The following NUBPL variants were observed in gnomAD, a reference collection of about 807,000 sequenced individuals.
The protein encoded by NUBPL is NUBP iron-sulfur cluster assembly factor, mitochondrial, also known as iron-sulfur cluster transfer protein NUBPL.
NUBPL carries 31 observed loss-of-function variants against 45.7 expected under a neutral mutation model. That is an observed-to-expected ratio of 0.68 (90% CI 0.51 to 0.92). The LOEUF is 0.92. NUBPL is among the 40% of genes least tolerant of loss of function. NUBPL has a pLI of 0.00. For missense variants in NUBPL, 401 were observed against 398.7 expected, an observed-to-expected ratio of 1.01 and a Z score of -0.05; for synonymous variants, 144 against 140.9, an observed-to-expected ratio of 1.02 and a Z score of -0.15.
intron 7 of NUBPL, among the ~76,000 whole-genome samples, chr14:31,798,985 C>G (rs1213747136): frequency 6.6e-6 from 1 of 151,716 alleles, no homozygotes; most frequent in Non-Finnish European, 1.5e-5. Flanking sequence ...CTAGAAACTA[C>G]AGGAACACTA....
chr14:31,841,922 T>TTTTTG (rs2040378385), intron 8 of NUBPL, among the ~76,000 whole-genome samples: 1 of 43,250 alleles, frequency 2.3e-5, no homozygotes, highest in African/African-American at 7.4e-5. Flanking sequence ...CTGGGCTTTT[T>TTTTTG]TTTTTTTTTT....
chr14:31,801,000 A>G (rs1389346233), intron 7 of NUBPL: 1 of 152,216 alleles, frequency 6.6e-6, no homozygotes, highest in Non-Finnish European at 1.5e-5. Flanking sequence ...AGATGGTGAC[A>G]TACCTAGGGA....
chr14:31,578,542 A>G (rs1289109888), intron 3 of NUBPL, among the ~76,000 whole-genome samples: 1 of 152,220 alleles, frequency 6.6e-6, no homozygotes, highest in African/African-American at 2.4e-5. Flanking sequence ...GAAAGGGAAA[A>G]CACTTTTAAA....
At position 31,719,357 on chromosome 14, in the gene NUBPL, A is replaced by G. The variant is rs543628635; in HGVS notation, c.513+45783A>G. 1.5e-4 allele frequency among the ~76,000 whole-genome samples: 23 copies of G among 152,324 alleles called. No homozygotes were observed. The South Asian group carries it at 4.8e-3, about 32-fold the overall frequency. ...CCATTGTATGTGTGGGACAATCTGT[A>G]TAGGTTTATACTGAACTCTCACTTA... On this transcript the variant is annotated intron_variant, in intron 6 of 10. Coordinates refer to ENST00000281081, the MANE Select transcript of NUBPL (RefSeq NM_025152.3).
intron 4 of NUBPL, among the ~76,000 whole-genome samples, chr14:31,606,442 A>C (rs936819823): frequency 2.6e-5 from 4 of 152,162 alleles, no homozygotes; most frequent in African/African-American, 9.7e-5. Context: ...AATGAGAGTG[A>C]ACTCTAGTTA....
At chr14:31,573,507 TC>T (rs757066274) in intron 3 of NUBPL, among the ~76,000 whole-genome samples, 1 of 152,222 alleles carries the variant, frequency 6.6e-6, no homozygotes, top group African/African-American at 2.4e-5. Flanking sequence ...ACCAAACTCT[TC>T]ATCCCTGTGA....
At position 31,860,878 on chromosome 14, in the gene NUBPL, A is replaced by G. The variant is rs930756761; in HGVS notation, c.*1698A>G. The G allele has an allele frequency of 7.9e-5, 12 of 152,196 alleles. No homozygotes were observed. Among genetic ancestry groups the G allele is most frequent in the African/African-American group, 2.7e-4 (11 of 41,438 alleles). The allele number at this position is 152,196 out of a possible 1,614,324, so 9.4% of individuals were successfully genotyped here. A position where few individuals can be genotyped will look rare whatever the true frequency, so the allele number is the denominator to read the frequency against. ...AGAATTATGCTGAATGAAAAAGGCC[A>G]ATTTAAAAAGGTTTTGTACCAAAAG... On this transcript the variant is annotated 3_prime_UTR_variant, in exon 11 of 11. Coordinates refer to ENST00000281081, the MANE Select transcript of NUBPL (RefSeq NM_025152.3).
chr14:31,812,753 A>C (rs374767961), intron 7 of NUBPL, among the ~76,000 whole-genome samples: 39 of 152,264 alleles, frequency 2.6e-4, no homozygotes, highest in East Asian at 2.5e-3. Flanking sequence ...AGCTGTTCCT[A>C]TTCGGCCATC....
chr14:31,818,302 C>A (rs11628274), intron 7 of NUBPL, among the ~76,000 whole-genome samples: 131 of 152,108 alleles, frequency 8.6e-4, no homozygotes, highest in African/African-American at 3.1e-3. Context: ...CTGGACCAAG[C>A]GGATATAATA....
intron 7 of NUBPL, among the ~76,000 whole-genome samples, chr14:31,793,330 A>G (rs552842378): frequency 9.7e-4 from 148 of 152,238 alleles, no homozygotes; most frequent in Non-Finnish European, 8.7e-4. Flanking sequence ...GTGAGTACTC[A>G]AATCCTGTGT....
intron 4 of NUBPL, among the ~76,000 whole-genome samples, chr14:31,606,380 C>T (rs2034600392): frequency 6.6e-6 from 1 of 152,120 alleles, no homozygotes; most frequent in Non-Finnish European, 1.5e-5. Flanking sequence ...GGCTGAGCCA[C>T]CACACCTGGC....
At chr14:31,683,143 T>C (rs1427873918) in intron 6 of NUBPL, among the ~76,000 whole-genome samples, 1 of 150,604 alleles carries the variant, frequency 6.6e-6, no homozygotes, top group Non-Finnish European at 1.5e-5. Context: ...AACCTCCCAC[T>C]AGATTCCACC....
At chr14:31,637,574 T>G (rs1209518215) in intron 4 of NUBPL, among the ~76,000 whole-genome samples, 6 of 152,276 alleles carry the variant, frequency 3.9e-5, no homozygotes, top group East Asian at 3.9e-4. Context: ...TGTTGATTTG[T>G]GGTGGAGAGT....
intron 7 of NUBPL, among the ~76,000 whole-genome samples, chr14:31,789,904 C>CTTTTTTT (rs1246008392): frequency 1.5e-5 from 2 of 134,328 alleles, no homozygotes. Flanking sequence ...TGTGATTTTT[C>CTTTTTTT]TTTTTTTTTT....
chr14:31,657,073 A>G lies in NUBPL; in HGVS notation c.383-16282A>G, dbSNP rs1595447018. Among the ~76,000 whole-genome samples, 4 of 152,324 alleles carry G rather than the reference A, an allele frequency of 2.6e-5. No individual in the cohort carries two copies. In the South Asian group the frequency reaches 8.3e-4, roughly 32 times the overall value. On this transcript the variant is annotated intron_variant, in intron 4 of 10. Coordinates refer to ENST00000281081, the MANE Select transcript of NUBPL (RefSeq NM_025152.3). ...AGCGGTACAGCTATTATATAAATTG[A>G]TAATTGCCTAAATATTAAATGGCAC...
At chr14:31,831,520 T>TACTC (rs1329631295) in intron 8 of NUBPL, among the ~76,000 whole-genome samples, 1 of 151,908 alleles carries the variant, frequency 6.6e-6, no homozygotes, top group African/African-American at 2.4e-5. Flanking sequence ...TACCATACTA[T>TACTC]ACTCATACTA....
chr14:31,810,780 G>A (rs2039787401), intron 7 of NUBPL, among the ~76,000 whole-genome samples: 1 of 152,140 alleles, frequency 6.6e-6, no homozygotes, highest in Non-Finnish European at 1.5e-5. Context: ...CATGTTTAGT[G>A]CTTCCTTCAG....
intron 3 of NUBPL, among the ~76,000 whole-genome samples, chr14:31,565,678 T>C (rs1402678113): frequency 1.3e-5 from 2 of 152,098 alleles, no homozygotes; most frequent in Non-Finnish European, 2.9e-5. Flanking sequence ...TTGGGTCCCA[T>C]TTTTTCCCTA....
At chr14:31,580,411 C>T (rs1464220350) in intron 3 of NUBPL, among the ~76,000 whole-genome samples, 1 of 152,112 alleles carries the variant, frequency 6.6e-6, no homozygotes, top group African/African-American at 2.4e-5. Context: ...TTACTTCAGG[C>T]CTGGACTTTG....
Sources: gnomAD v4.1 joint callset for allele counts (sites outside exome capture counted in the v4.1 genomes callset) on GRCh38, gnomAD v4.1.1 for gene constraint, MANE v1.5 for transcripts, NCBI Gene and HGNC (gene_info 2026-07-23, HGNC 2026-07-21) for gene names.